Variants in RALGPS1 observed in about 807,000 individuals in gnomAD.
The protein encoded by RALGPS1 is Ral GEF with PH domain and SH3 binding motif 1.
A neutral mutation model predicts 78.8 loss-of-function variants in RALGPS1; 19 were observed. The observed-to-expected ratio is 0.24, with a 90% CI of 0.17 to 0.35. RALGPS1 has a LOEUF of 0.35. Among genes scored for constraint, RALGPS1 ranks in the 10% least tolerant of loss-of-function variants. The probability of loss-of-function intolerance (pLI) is 1.00; values close to 1 mark genes in which losing one functional copy is unlikely to be tolerated. For synonymous variants in RALGPS1, 228 were observed against 256.3 expected (o/e 0.89, Z 1.06); for missense variants, 454 against 688.3 (o/e 0.66, Z 3.81).
intron 8 of RALGPS1, among the ~76,000 whole-genome samples, chr9:127,120,002 A>T (rs1340438136): frequency 6.6e-6 from 1 of 152,236 alleles, no homozygotes; most frequent in East Asian, 1.9e-4. Context: ...CAGGGAGCCC[A>T]CTGGAACCTC....
At chr9:127,133,006 G>A (rs931793907) in intron 8 of RALGPS1, among the ~76,000 whole-genome samples, 4 of 152,242 alleles carry the variant, frequency 2.6e-5, no homozygotes, top group Admixed American at 1.3e-4. Flanking sequence ...CTATGCTTCA[G>A]TGTCCTCATC....
intron 8 of RALGPS1, among the ~76,000 whole-genome samples, chr9:127,073,704 C>T (rs1461485983): frequency 2.6e-5 from 4 of 152,122 alleles, no homozygotes; most frequent in African/African-American, 9.7e-5. Flanking sequence ...TACTAACATA[C>T]ATTCCCACCA....
At chr9:126,968,295 G>A (rs1016117389) in intron 3 of RALGPS1, among the ~76,000 whole-genome samples, 6 of 152,070 alleles carry the variant, frequency 3.9e-5, no homozygotes, top group African/African-American at 1.2e-4. Flanking sequence ...ATGAGCCACC[G>A]CACCTGACCA....
intron 8 of RALGPS1, among the ~76,000 whole-genome samples, chr9:127,125,300 T>A (rs914506305): frequency 2.0e-5 from 3 of 152,186 alleles, no homozygotes; most frequent in African/African-American, 7.2e-5. Flanking sequence ...GTGCGGGCCA[T>A]GTAGCGCCCT....
At chr9:126,995,291 A>G (rs1173061532) in intron 4 of RALGPS1, among the ~76,000 whole-genome samples, 2 of 152,142 alleles carry the variant, frequency 1.3e-5, no homozygotes, top group African/African-American at 2.4e-5. Context: ...AACCCATCTC[A>G]TGTGCAGAGA....
At chr9:127,035,702 C>T (rs1349496681) in intron 5 of RALGPS1, among the ~76,000 whole-genome samples, 3 of 152,118 alleles carry the variant, frequency 2.0e-5, no homozygotes, top group African/African-American at 7.2e-5. Context: ...CTCAGAAAGG[C>T]ACCAGCTTGT....
At chr9:127,105,766 G>A (rs2054159658) in intron 8 of RALGPS1, among the ~76,000 whole-genome samples, 2 of 152,164 alleles carry the variant, frequency 1.3e-5, no homozygotes, top group South Asian at 2.1e-4. Flanking sequence ...GGCATTGGAC[G>A]GATCCCAGAT....
chr9:126,987,112 AT>A (rs923623977), intron 4 of RALGPS1, among the ~76,000 whole-genome samples: 2 of 152,118 alleles, frequency 1.3e-5, no homozygotes, highest in African/African-American at 4.8e-5. Flanking sequence ...AGAGGAGGTG[AT>A]ACCTGTGTAG....
chr9:126,974,485 C>A (rs1722951919), intron 3 of RALGPS1, among the ~76,000 whole-genome samples: 1 of 152,146 alleles, frequency 6.6e-6, no homozygotes, highest in Admixed American at 6.5e-5. Flanking sequence ...AGGATTTAGT[C>A]AGCCACTGTT....
At chr9:127,121,611 C>T (rs960019453) in intron 8 of RALGPS1, among the ~76,000 whole-genome samples, 3 of 152,240 alleles carry the variant, frequency 2.0e-5, no homozygotes, top group East Asian at 1.9e-4. Flanking sequence ...TGCTTTCAGG[C>T]GACTTGGTAT....
intron 4 of RALGPS1, among the ~76,000 whole-genome samples, chr9:126,993,639 A>T (rs1461429707): frequency 1.3e-5 from 2 of 151,820 alleles, no homozygotes; most frequent in Non-Finnish European, 2.9e-5. Flanking sequence ...GATGCAGAAG[A>T]TGGGTGATTT....
At chr9:127,026,674 C>T (rs760927482) in intron 4 of RALGPS1, among the ~76,000 whole-genome samples, 6 of 151,968 alleles carry the variant, frequency 3.9e-5, no homozygotes, top group African/African-American at 1.5e-4. Flanking sequence ...GTTTTCCTTC[C>T]GTTCTGTTGG....
intron 8 of RALGPS1, among the ~76,000 whole-genome samples, chr9:127,071,319 C>T (rs2050183326): frequency 6.6e-6 from 1 of 152,070 alleles, no homozygotes; most frequent in Non-Finnish European, 1.5e-5. Flanking sequence ...TTTTATCAAT[C>T]AAGGATGTGC....
At chr9:126,919,605 T>G (rs1197030483) in intron 1 of RALGPS1, among the ~76,000 whole-genome samples, 1 of 152,204 alleles carries the variant, frequency 6.6e-6, no homozygotes, top group Non-Finnish European at 1.5e-5. Flanking sequence ...GATCTGTCTT[T>G]GGGGGTTTTT....
At chr9:127,099,558 GC>G in intron 8 of RALGPS1, among the ~76,000 whole-genome samples, 1 of 152,330 alleles carries the variant, frequency 6.6e-6, no homozygotes, top group East Asian at 1.9e-4. Flanking sequence ...CCCCATGAGG[GC>G]AGGAGAACAG....
At chr9:127,058,281 T>C (rs1326072547) in intron 7 of RALGPS1, among the ~76,000 whole-genome samples, 1 of 152,210 alleles carries the variant, frequency 6.6e-6, no homozygotes, top group African/African-American at 2.4e-5. Context: ...AGTTAGATTC[T>C]ATTCCAAGTG....
At chr9:126,938,592 G>C (rs2036480164) in intron 1 of RALGPS1, among the ~76,000 whole-genome samples, 1 of 152,198 alleles carries the variant, frequency 6.6e-6, no homozygotes. Context: ...ACAAGGAAGG[G>C]TGGGTTGATG....
At chr9:127,073,614 C>T (rs1240403918) in intron 8 of RALGPS1, among the ~76,000 whole-genome samples, 3 of 152,122 alleles carry the variant, frequency 2.0e-5, no homozygotes, top group Non-Finnish European at 4.4e-5. Flanking sequence ...TGGATAAATA[C>T]CCAGTGGGAT....
At chr9:127,117,136 C>T (rs1306326402) in intron 8 of RALGPS1, among the ~76,000 whole-genome samples, 1 of 152,242 alleles carries the variant, frequency 6.6e-6, no homozygotes, top group East Asian at 1.9e-4. Context: ...CCTTCCCCCA[C>T]TGTCCTGGCT....
Sources: allele counts gnomAD v4.1 joint callset (sites outside exome capture counted in the v4.1 genomes callset), GRCh38; gene constraint gnomAD v4.1.1; transcripts MANE v1.5; gene names NCBI Gene and HGNC (gene_info 2026-07-23, HGNC 2026-07-21).